HDAC9: variants seen among roughly 807,000 people sequenced by gnomAD.
HDAC9 encodes histone deacetylase 9.
In HDAC9, 41 loss-of-function variants were observed where a neutral mutation model predicts 139.4. That is an observed-to-expected ratio of 0.29 (90% CI 0.23 to 0.38). The LOEUF (loss-of-function observed/expected upper bound fraction) is 0.38, where lower values mean the gene tolerates loss of function less well. Ranked by LOEUF, HDAC9 falls within the 10% of genes least tolerant of loss-of-function variation. The pLI is 1.00. For synonymous variants in HDAC9, 517 were observed against 476.2 expected, an observed-to-expected ratio of 1.09 and a Z score of -1.12; for missense variants, 1,147 against 1,297.0, an observed-to-expected ratio of 0.88 and a Z score of 1.78.
chr7:18,736,179 A>G (rs1786876054), intron 13 of HDAC9, among the ~76,000 whole-genome samples: 1 of 152,200 alleles, frequency 6.6e-6, no homozygotes, highest in South Asian at 2.1e-4. Context: ...GTCATCTGCA[A>G]ACAGGGACAA....
chr7:18,293,521 T>C, intron 1 of HDAC9, among the ~76,000 whole-genome samples: 1 of 152,084 alleles, frequency 6.6e-6, no homozygotes, highest in East Asian at 1.9e-4. Flanking sequence ...TCTTAAACCT[T>C]TGAGAAAGCA....
At chr7:18,131,024 A>T (rs1181939476) in intron 1 of HDAC9, among the ~76,000 whole-genome samples, 6 of 152,088 alleles carry the variant, frequency 3.9e-5, no homozygotes, top group South Asian at 2.1e-4. Context: ...AATCTTTACA[A>T]ATCACCAGTT....
chr7:18,158,739 A>C (rs1203513679), intron 1 of HDAC9, among the ~76,000 whole-genome samples: 2 of 152,244 alleles, frequency 1.3e-5, no homozygotes, highest in African/African-American at 2.4e-5. Flanking sequence ...ACTATTGAGA[A>C]GGCCACATAG....
At chr7:18,821,212 G>A (rs563884318) in intron 17 of HDAC9, among the ~76,000 whole-genome samples, 2 of 152,294 alleles carry the variant, frequency 1.3e-5, no homozygotes, top group South Asian at 2.1e-4. Flanking sequence ...TGACCTCATC[G>A]CTGCTTAAAG....
intron 13 of HDAC9, among the ~76,000 whole-genome samples, chr7:18,744,416 G>A (rs1236909751): frequency 6.6e-6 from 1 of 152,132 alleles, no homozygotes; most frequent in South Asian, 2.1e-4. Flanking sequence ...ATATATATTT[G>A]TGCTGTGCTA....
intron 2 of HDAC9, among the ~76,000 whole-genome samples, chr7:18,261,461 A>G (rs932331276): frequency 6.6e-6 from 1 of 152,198 alleles, no homozygotes; most frequent in Non-Finnish European, 1.5e-5. Flanking sequence ...ATAAACATAT[A>G]CCACAGTTCA....
At chr7:18,589,678 G>C (rs1830404544) in intron 3 of HDAC9, among the ~76,000 whole-genome samples, 1 of 152,190 alleles carries the variant, frequency 6.6e-6, no homozygotes. Flanking sequence ...TTCTTGACCA[G>C]TGTCTTTAAT....
At chr7:18,864,916 T>C (rs1798378783) in intron 21 of HDAC9, among the ~76,000 whole-genome samples, 1 of 152,250 alleles carries the variant, frequency 6.6e-6, no homozygotes, top group Non-Finnish European at 1.5e-5. Context: ...TAGTACATTT[T>C]ATTTAATGTA....
At chr7:18,459,248 C>T in intron 1 of HDAC9, among the ~76,000 whole-genome samples, 1 of 152,198 alleles carries the variant, frequency 6.6e-6, no homozygotes, top group South Asian at 2.1e-4. Context: ...CTGTTACTTC[C>T]TACTAAGTTT....
chr7:18,381,068 C>G (rs966464014), intron 1 of HDAC9, among the ~76,000 whole-genome samples: 2 of 151,180 alleles, frequency 1.3e-5, no homozygotes, highest in African/African-American at 4.9e-5. Flanking sequence ...TGTGGTGGTG[C>G]ATGCCTATAG....
chr7:18,136,656 G>T lies in HDAC9; in HGVS notation c.-96-25573G>T, dbSNP rs1477088970. 1.4e-4 allele frequency among the ~76,000 whole-genome samples: 21 copies of T among 152,226 alleles called. No individual in the cohort carries two copies. In the South Asian group the frequency reaches 4.1e-3, roughly 30 times the overall value. ...TCTGAGGGCTCTGTTGTGTTCCATT[G>T]ATCTATATCTCTGTTTTGGTACCAG... is the stretch of plus-strand genomic sequence containing the variant. On this transcript the variant is annotated intron_variant, in intron 1 of 12. Coordinates refer to the HDAC9 transcript ENST00000417496.
At chr7:18,854,853 C>T (rs942524578) in intron 21 of HDAC9, among the ~76,000 whole-genome samples, 5 of 152,000 alleles carry the variant, frequency 3.3e-5, no homozygotes, top group Middle Eastern at 3.2e-3. Flanking sequence ...CGGTCATTGA[C>T]GTTATAGCAT....
intron 1 of HDAC9, among the ~76,000 whole-genome samples, chr7:18,413,716 C>T (rs1788785995): frequency 6.6e-6 from 1 of 152,002 alleles, no homozygotes; most frequent in South Asian, 2.1e-4. Context: ...ATTGAAAAGG[C>T]TGGGAATCAC....
At chr7:18,416,031 C>T (rs1789025066) in intron 1 of HDAC9, among the ~76,000 whole-genome samples, 1 of 152,106 alleles carries the variant, frequency 6.6e-6, no homozygotes. Context: ...CAGTGACTCA[C>T]GCCTGTAATC....
At chr7:18,817,057 T>A (rs141173149) in intron 17 of HDAC9, among the ~76,000 whole-genome samples, 3,779 of 149,588 alleles carry the variant, frequency 0.025, 164 homozygotes, top group African/African-American at 0.088. Flanking sequence ...TTTTTTGAAA[T>A]GGAGTCTCGC....
chr7:18,964,645 G>T (rs1021989503), intron 24 of HDAC9, among the ~76,000 whole-genome samples: 1 of 152,192 alleles, frequency 6.6e-6, no homozygotes, highest in East Asian at 1.9e-4. Flanking sequence ...GGGCTGGGAA[G>T]GCCTCAGGAA....
chr7:18,438,966 G>A lies in HDAC9; in HGVS notation c.-41-57296G>A, dbSNP rs149599191. ...GAAGTGAAAATTATTTTCGAACACT[G>A]CATAGTACAAAACAATGTGTGTGCA... On this transcript the variant is annotated intron_variant, in intron 1 of 3. Coordinates refer to the HDAC9 transcript ENST00000413509. Among the ~76,000 whole-genome samples the A allele has an allele frequency of 6.1e-3, 931 of 152,232 alleles. 8 individuals carry two copies. Among genetic ancestry groups the A allele is most frequent in the African/African-American group, 0.022 (900 of 41,528 alleles).
chr7:18,889,481 T>C (rs1585233514), intron 22 of HDAC9, among the ~76,000 whole-genome samples: 1 of 152,150 alleles, frequency 6.6e-6, no homozygotes, highest in Non-Finnish European at 1.5e-5. Flanking sequence ...TTAAAGTCAA[T>C]CTCTTTATTT....
chr7:18,106,559 T>G (rs752498291), intron 1 of HDAC9, among the ~76,000 whole-genome samples: 1 of 152,118 alleles, frequency 6.6e-6, no homozygotes, highest in Non-Finnish European at 1.5e-5. Context: ...TTCAAGTGAT[T>G]CTCCTGCCTC....
Sources: allele counts gnomAD v4.1 joint callset (sites outside exome capture counted in the v4.1 genomes callset), GRCh38; gene constraint gnomAD v4.1.1; transcripts MANE v1.5; gene names NCBI Gene and HGNC (gene_info 2026-07-23, HGNC 2026-07-21).